The following KHDRBS2 variants were observed in gnomAD, a reference collection of about 807,000 sequenced individuals.
The protein encoded by KHDRBS2 is KH RNA binding domain containing, signal transduction associated 2, also known as KH domain-containing, RNA-binding, signal transduction-associated protein 2.
Under a neutral mutation model 44.3 loss-of-function variants are expected in KHDRBS2, and 26 were observed. The observed-to-expected ratio is 0.59, with a 90% CI of 0.43 to 0.81. The LOEUF (loss-of-function observed/expected upper bound fraction) is 0.81, where lower values mean the gene tolerates loss of function less well. Ranked by LOEUF, KHDRBS2 falls within the 40% of genes least tolerant of loss-of-function variation. The pLI, the probability that KHDRBS2 is intolerant of heterozygous loss-of-function variation, is 0.00. For synonymous variants in KHDRBS2, 194 were observed against 151.1 expected (o/e 1.28, Z -2.08); for missense variants, 476 against 433.1 (o/e 1.10, Z -0.88).
chr6:62,004,728 C>A (rs1372961449), intron 3 of KHDRBS2, among the ~76,000 whole-genome samples: 1 of 151,994 alleles, frequency 6.6e-6, no homozygotes. Flanking sequence ...AATTTTAGAC[C>A]AATATCCCTG....
chr6:62,140,114 G>T (rs1812475648), intron 2 of KHDRBS2, among the ~76,000 whole-genome samples: 1 of 151,994 alleles, frequency 6.6e-6, no homozygotes, highest in Non-Finnish European at 1.5e-5. Flanking sequence ...TCCATATTTT[G>T]CTTAAGCTCC....
chr6:62,072,615 T>G (rs992686081), intron 2 of KHDRBS2, among the ~76,000 whole-genome samples: 4 of 152,120 alleles, frequency 2.6e-5, no homozygotes, highest in African/African-American at 9.7e-5. Flanking sequence ...GTTTTTGTCT[T>G]TGGTTCTGTT....
intron 3 of KHDRBS2, among the ~76,000 whole-genome samples, chr6:62,001,275 A>C (rs1351611080): frequency 3.3e-5 from 5 of 152,190 alleles, no homozygotes; most frequent in Non-Finnish European, 1.5e-5. Flanking sequence ...TCAACTATAC[A>C]GAGTTTCATC....
the KHDRBS2 span, among the ~76,000 whole-genome samples, chr6:61,657,318 C>T: frequency 0.025 from 3,732 of 152,032 alleles, 71 homozygotes; most frequent in Middle Eastern, 0.082. Context: ...ATCAAGTCAC[C>T]GTACTATTTT....
chr6:62,044,478 C>T (rs183583567), intron 3 of KHDRBS2, among the ~76,000 whole-genome samples: 1 of 149,900 alleles, frequency 6.7e-6, no homozygotes. Flanking sequence ...GCCTGGGCAA[C>T]AGAATGAGAC....
rs1234694798 is a variant in KHDRBS2, at chr6:61,851,208, T to TAC, written c.810+43425_810+43426dup. On this transcript the variant is annotated intron_variant, in intron 6 of 8. Coordinates refer to ENST00000281156, the MANE Select transcript of KHDRBS2 (RefSeq NM_152688.4). ...AAAAAATGAGAAAAAAATATATATA[T>TAC]ACACACACACATATATATGTGTATA... 7.9e-5 allele frequency among the ~76,000 whole-genome samples: 12 copies of TAC among 152,080 alleles called. No homozygotes were observed. The East Asian group carries it at 1.9e-3, about 25-fold the overall frequency.
intron 2 of KHDRBS2, among the ~76,000 whole-genome samples, chr6:62,063,138 T>C (rs1792473436): frequency 9.7e-6 from 1 of 103,090 alleles, no homozygotes; most frequent in Non-Finnish European, 2.2e-5. Context: ...CAATAATCAA[T>C]AGTTTACCAA....
chr6:62,080,596 G>A (rs2127354328), intron 2 of KHDRBS2, among the ~76,000 whole-genome samples: 1 of 152,146 alleles, frequency 6.6e-6, no homozygotes, highest in East Asian at 1.9e-4. Context: ...ATATTTTGTG[G>A]CAACATACTG....
chr6:61,945,110 A>T (rs1170465498), intron 4 of KHDRBS2, among the ~76,000 whole-genome samples: 18,013 of 45,976 alleles, frequency 0.39, 3,473 homozygotes, highest in Admixed American at 0.46. Context: ...AAAAAAAAAA[A>T]AAGTATATAT....
chr6:62,193,956 T>C (rs1302703840), intron 1 of KHDRBS2, among the ~76,000 whole-genome samples: 1 of 152,158 alleles, frequency 6.6e-6, no homozygotes, highest in Non-Finnish European at 1.5e-5. Context: ...ATAAAAGTTC[T>C]TTACATTCTT....
At chr6:61,890,041 G>A (rs922933111) in intron 6 of KHDRBS2, among the ~76,000 whole-genome samples, 2 of 152,024 alleles carry the variant, frequency 1.3e-5, no homozygotes, top group Non-Finnish European at 1.5e-5. Flanking sequence ...ACCTCTCTCC[G>A]GAGCACTTAT....
At chr6:61,947,428 C>A (rs562936512) in intron 4 of KHDRBS2, among the ~76,000 whole-genome samples, 1 of 152,032 alleles carries the variant, frequency 6.6e-6, no homozygotes, top group Non-Finnish European at 1.5e-5. Context: ...ATATTAAAAG[C>A]CCACTAAATA....
intron 4 of KHDRBS2, among the ~76,000 whole-genome samples, chr6:61,945,098 AAAAAAAAAAAAAAAGTATATATATAT>A (rs1314078708): frequency 1.7e-4 from 8 of 45,814 alleles, no homozygotes; most frequent in African/African-American, 6.1e-4. Flanking sequence ...CTTAAAAAAA[AAAAAAAAAAAAAAAGTATATATATAT>A]ATATATATAT....
the KHDRBS2 span, among the ~76,000 whole-genome samples, chr6:61,621,952 G>A: frequency 6.6e-6 from 1 of 152,164 alleles, no homozygotes; most frequent in African/African-American, 2.4e-5. Context: ...ATAGTAAGAA[G>A]CTTCGACCTC....
At chr6:62,094,808 G>A (rs942031339) in intron 2 of KHDRBS2, among the ~76,000 whole-genome samples, 1 of 151,726 alleles carries the variant, frequency 6.6e-6, no homozygotes, top group South Asian at 2.1e-4. Flanking sequence ...ACCATTTATC[G>A]AGGGGTCTCT....
At chr6:62,274,447 A>G (rs1442796108) in intron 1 of KHDRBS2, among the ~76,000 whole-genome samples, 1 of 152,162 alleles carries the variant, frequency 6.6e-6, no homozygotes, top group Non-Finnish European at 1.5e-5. Flanking sequence ...TTTACAAGGT[A>G]TGTGTGATAA....
chr6:62,075,546 A>G (rs1226003708), intron 2 of KHDRBS2, among the ~76,000 whole-genome samples: 2 of 151,956 alleles, frequency 1.3e-5, no homozygotes, highest in African/African-American at 2.4e-5. Flanking sequence ...ATGTACACAG[A>G]TTACAATTTG....
intron 2 of KHDRBS2, among the ~76,000 whole-genome samples, chr6:62,065,096 C>A (rs1480540334): frequency 6.6e-6 from 1 of 151,974 alleles, no homozygotes; most frequent in Non-Finnish European, 1.5e-5. Flanking sequence ...CCATCTCACA[C>A]CAGTTAGAAT....
At chr6:61,545,839 C>A in the KHDRBS2 span, among the ~76,000 whole-genome samples, 1 of 151,990 alleles carries the variant, frequency 6.6e-6, no homozygotes, top group African/African-American at 2.4e-5. Flanking sequence ...CACCAGAGAG[C>A]TCTCTCATGA....
Sources: allele counts gnomAD v4.1 joint callset (sites outside exome capture counted in the v4.1 genomes callset), GRCh38; gene constraint gnomAD v4.1.1; transcripts MANE v1.5; gene names NCBI Gene and HGNC (gene_info 2026-07-23, HGNC 2026-07-21).